Variants in L3MBTL3 observed in about 807,000 individuals in gnomAD.
The protein encoded by L3MBTL3 is L3MBTL histone methyl-lysine binding protein 3.
Under a neutral mutation model 102.3 loss-of-function variants are expected in L3MBTL3, and 27 were observed. The observed-to-expected ratio is 0.26, with a 90% confidence interval of 0.19 to 0.36. The LOEUF is 0.36. Ranked by LOEUF, L3MBTL3 falls within the 10% of genes least tolerant of loss-of-function variation. The pLI is 1.00. For synonymous variants in L3MBTL3, 340 were observed against 320.9 expected (o/e 1.06, Z -0.64); for missense variants, 798 against 955.3 (o/e 0.84, Z 2.17).
chr6:130,030,031 G>C (rs1029430466), intron 2 of L3MBTL3, among the ~76,000 whole-genome samples: 5 of 152,034 alleles, frequency 3.3e-5, no homozygotes, highest in Admixed American at 2.0e-4. Flanking sequence ...GCTAATTTTT[G>C]TATTTTCAGT....
rs537257039 is a variant in L3MBTL3 at position 130,064,827 on chromosome 6, C to CTATGGGGA, written c.865-1525_865-1518dup. Among the ~76,000 whole-genome samples, 33 of 152,266 alleles carry CTATGGGGA rather than the reference C, an allele frequency of 2.2e-4. No homozygotes were observed. In the East Asian group the frequency reaches 6.2e-3, roughly 29 times the overall value. ...CTTTCCGGTGAGCCTGAGATAGAGA[C>CTATGGGGA]TATGGGGAGAACAGAGAGAGCTTGG... is the stretch of plus-strand genomic sequence containing the variant. On this transcript the variant is annotated intron_variant, in intron 10 of 22. Transcript: ENST00000361794.
chr6:130,040,281 A>T (rs1428822185), intron 2 of L3MBTL3, among the ~76,000 whole-genome samples: 1 of 151,222 alleles, frequency 6.6e-6, no homozygotes, highest in South Asian at 2.1e-4. Flanking sequence ...GTGAGCCTAG[A>T]TCATGCCATT....
chr6:130,042,216 C>T (rs1780465223), intron 2 of L3MBTL3, among the ~76,000 whole-genome samples: 1 of 152,240 alleles, frequency 6.6e-6, no homozygotes, highest in Admixed American at 6.5e-5. Flanking sequence ...GTTATCTTAA[C>T]AGAGCCTTTT....
At chr6:130,128,360 T>G (rs1161411533) in intron 20 of L3MBTL3, among the ~76,000 whole-genome samples, 4 of 152,162 alleles carry the variant, frequency 2.6e-5, no homozygotes, top group African/African-American at 9.7e-5. Flanking sequence ...CTGCTCTGCC[T>G]TGCAGAGCAC....
intron 11 of L3MBTL3, among the ~76,000 whole-genome samples, chr6:130,067,155 C>T (rs1051009853): frequency 4.6e-5 from 7 of 152,060 alleles, no homozygotes; most frequent in Admixed American, 1.3e-4. Context: ...GCTGTGTCGC[C>T]CAGGTTGCAG....
chr6:130,065,115 A>G (rs1456137124), intron 10 of L3MBTL3, among the ~76,000 whole-genome samples: 2 of 152,130 alleles, frequency 1.3e-5, no homozygotes, highest in African/African-American at 4.8e-5. Flanking sequence ...TGTAAATTTG[A>G]TGTATGTGGT....
intron 19 of L3MBTL3, among the ~76,000 whole-genome samples, chr6:130,108,220 G>GTTTGT (rs1785104150): frequency 8.4e-6 from 1 of 118,706 alleles, no homozygotes; most frequent in Non-Finnish European, 1.8e-5. Flanking sequence ...ATGTTAGGTG[G>GTTTGT]TTTTTTTTTT....
chr6:130,053,347 C>T (rs1292780237), intron 7 of L3MBTL3, among the ~76,000 whole-genome samples: 1 of 152,188 alleles, frequency 6.6e-6, no homozygotes, highest in Non-Finnish European at 1.5e-5. Flanking sequence ...ATAAAACTAT[C>T]TGAGTGGGCT....
chr6:130,122,032 C>T (rs547839023), intron 20 of L3MBTL3, among the ~76,000 whole-genome samples: 76 of 152,166 alleles, frequency 5.0e-4, no homozygotes, highest in Middle Eastern at 3.4e-3. Context: ...AGCTACAGAG[C>T]GAGTGGTTTA....
intron 20 of L3MBTL3, among the ~76,000 whole-genome samples, chr6:130,123,164 G>A (rs1786358232): frequency 6.6e-6 from 1 of 152,022 alleles, no homozygotes; most frequent in Non-Finnish European, 1.5e-5. Context: ...TTTGCATAAT[G>A]GAGAATTTCC....
intron 5 of L3MBTL3, among the ~76,000 whole-genome samples, chr6:130,050,836 CA>C (rs1355737534): frequency 6.6e-6 from 1 of 152,022 alleles, no homozygotes; most frequent in Non-Finnish European, 1.5e-5. Flanking sequence ...TTGATTTAGC[CA>C]ATTAAGTAAA....
At chr6:130,130,928 C>T (rs1448584057) in intron 20 of L3MBTL3, among the ~76,000 whole-genome samples, 2 of 152,060 alleles carry the variant, frequency 1.3e-5, no homozygotes, top group Non-Finnish European at 2.9e-5. Context: ...TAAGAATAAA[C>T]TTATTAGAAA....
chr6:130,031,892 A>G (rs1301960620), intron 2 of L3MBTL3, among the ~76,000 whole-genome samples: 2 of 152,236 alleles, frequency 1.3e-5, no homozygotes, highest in East Asian at 3.9e-4. Context: ...AAAAATTACT[A>G]TTAAAATAAA....
intron 19 of L3MBTL3, among the ~76,000 whole-genome samples, chr6:130,111,859 T>G (rs774991729): frequency 6.6e-6 from 1 of 152,194 alleles, no homozygotes; most frequent in Non-Finnish European, 1.5e-5. Context: ...TGCTCAAAAC[T>G]CAATGACTTC....
chr6:130,115,359 A>G (rs1418165016), intron 19 of L3MBTL3, among the ~76,000 whole-genome samples: 1 of 152,230 alleles, frequency 6.6e-6, no homozygotes, highest in African/African-American at 2.4e-5. Context: ...AAATATTTCA[A>G]TCTACATGGC....
chr6:130,098,230 A>G (rs565383678), intron 18 of L3MBTL3, among the ~76,000 whole-genome samples: 5 of 152,326 alleles, frequency 3.3e-5, no homozygotes, highest in African/African-American at 1.2e-4. Flanking sequence ...CAACATTAGT[A>G]ACTCTTGGTA....
At position 130,086,266 on chromosome 6, in the gene L3MBTL3, G is replaced by C. The variant is rs375128657; in HGVS notation, c.1518+16G>C. The C allele has an allele frequency of 4.6e-5, 70 of 1,510,302 alleles. No individual in the cohort carries two copies. In the African/African-American group the frequency reaches 5.6e-4, roughly 12 times the overall value. The allele number at this position is 1,510,302 out of a possible 1,614,324, so 93.6% of individuals were successfully genotyped here. A position where few individuals can be genotyped will look rare whatever the true frequency, so the allele number is the denominator to read the frequency against. On this transcript the variant is annotated intron_variant, in intron 16 of 22. Coordinates refer to ENST00000361794, the MANE Select transcript of L3MBTL3 (RefSeq NM_032438.4). Reference sequence around the variant, plus strand: ...CCGGGTAAAAGTAAGTGTTCTGTGTGGGGGGTTGGCTTTGTCTTTTGTTAT... The same window carrying C: ...CCGGGTAAAAGTAAGTGTTCTGTGTCGGGGGTTGGCTTTGTCTTTTGTTAT...
intron 1 of L3MBTL3, among the ~76,000 whole-genome samples, chr6:130,020,234 G>T (rs999021271): frequency 1.3e-5 from 2 of 151,162 alleles, no homozygotes; most frequent in Non-Finnish European, 3.0e-5. Flanking sequence ...CCGCGGCGGC[G>T]GGGCGGGGGG....
chr6:130,027,267 AT>A (rs1487015504), intron 2 of L3MBTL3, among the ~76,000 whole-genome samples: 2 of 152,152 alleles, frequency 1.3e-5, no homozygotes, highest in Non-Finnish European at 2.9e-5. Flanking sequence ...TATTTAAAAC[AT>A]TTTTTGAGCG....
Sources: allele counts gnomAD v4.1 joint callset (sites outside exome capture counted in the v4.1 genomes callset), GRCh38; gene constraint gnomAD v4.1.1; transcripts MANE v1.5; gene names NCBI Gene and HGNC (gene_info 2026-07-23, HGNC 2026-07-21).